Variants in MS4A10 observed in about 807,000 individuals in gnomAD.
The protein encoded by MS4A10 is membrane-spanning 4-domains subfamily A member 10.
In MS4A10, 27 loss-of-function variants were observed where a neutral mutation model predicts 27.7. The ratio of observed to expected loss-of-function variants is 0.98; its 90% CI spans 0.72 to 1.35. The LOEUF is 1.35. Among genes scored for constraint, MS4A10 ranks in the 40% most tolerant of loss-of-function variants. The pLI, the probability that MS4A10 is intolerant of heterozygous loss-of-function variation, is 0.00. For synonymous variants in MS4A10, 139 were observed against 131.2 expected (o/e 1.06, Z -0.41); for missense variants, 338 against 324.7 (o/e 1.04, Z -0.32).
Position 60,790,369 on chromosome 11 carries a change from T to C in MS4A10, c.34T>C (p.Cys12Arg). The C allele has an allele frequency of 6.2e-7, 1 of 1,614,040 alleles. No individual in the cohort carries two copies. Among genetic ancestry groups the C allele is most frequent in the Non-Finnish European group, 8.5e-7 (1 of 1,179,964 alleles). The change falls in exon 2 of 8, where the codon TGT (cysteine) becomes CGT (arginine). Residue 12 changes from cysteine to arginine, a missense_variant. Cys to Arg is a radical substitution (Grantham distance 180). Transcript: ENST00000308287. ...AGAAGCCACAGTTATTCCCAGCCGTTGTGCTAGGGGGCTCCCATCATGGCA... is the reference window on the plus strand; with the variant it reads ...AGAAGCCACAGTTATTCCCAGCCGTCGTGCTAGGGGGCTCCCATCATGGCA... ...KAEATVIPSR[C>R]ARGLPSWQVL...
intron 2 of MS4A10, 142 bp from the exon 3 acceptor site, chr11:60,790,832 T>C: frequency 8.0e-7 from 1 of 1,244,880 alleles, no homozygotes; most frequent in Non-Finnish European, 1.1e-6. Flanking sequence ...TGGGGAGTGG[T>C]CCTTCTTAGA....
chr11:60,790,549 T>C (rs745853331), intron 2 of MS4A10, 31 bp downstream of exon 2: 11 of 1,611,442 alleles, frequency 6.8e-6, no homozygotes, highest in Non-Finnish European at 9.3e-6. Flanking sequence ...GTCCCAGCAG[T>C]GGGAGGCAGA....
rs370334312 is a variant in MS4A10 at position 60,793,007 on chromosome 11, C to T, written c.360+686C>T. On this transcript the variant is annotated intron_variant, in intron 4 of 7. Transcript: ENST00000308287. ...GGCCCAAGTAGGCACAGAGTAGACA[C>T]CTAGCACAAGACTGGATGGGTGGAG... Among the ~76,000 whole-genome samples the T allele has an allele frequency of 3.8e-4, 58 of 152,320 alleles. No individual in the cohort carries two copies. In the South Asian group the frequency reaches 0.011, roughly 28 times the overall value.
In MS4A10 at chr11:60,793,991, C is replaced by A; in HGVS notation, c.380C>A (p.Thr127Lys). ...KTYLKMLCLM[T>K]NLISLFCVLS... ...CTATAGAAGATGTTGTGCCTGATGA[C>A]AAACCTCATCAGCCTCTTTTGCGTG... The change falls in exon 5 of 8, where the codon ACA becomes AAA. Residue 127 changes from threonine (T) to lysine (K), a missense_variant. By Grantham distance (78) the Thr-to-Lys change is moderately conservative (BLOSUM62 -1). Coordinates refer to ENST00000308287, the MANE Select transcript of MS4A10 (RefSeq NM_206893.4). 1 of 1,614,094 alleles carries A rather than the reference C, an allele frequency of 6.2e-7. No individual in the cohort carries two copies. Among genetic ancestry groups the A allele is most frequent in the Non-Finnish European group, 8.5e-7 (1 of 1,180,012 alleles).
In MS4A10 at chr11:60,790,351, A is replaced by G; in HGVS notation, c.16A>G (p.Thr6Ala). ...TCCAGCATCAATGAAAGCAGAAGCC[A>G]CAGTTATTCCCAGCCGTTGTGCTAG... MKAEA[T>A]VIPSRCARGL... The change falls in exon 2 of 8, where the codon ACA becomes GCA. Residue 6 changes from threonine to alanine, a missense_variant. Coordinates refer to ENST00000308287, the MANE Select transcript of MS4A10 (RefSeq NM_206893.4). 1.2e-6 allele frequency: 2 copies of G among 1,614,038 alleles called. No homozygotes were observed. The highest frequency in any genetic ancestry group is 8.5e-7 in the Non-Finnish European group (1 of 1,179,974).
In MS4A10 at chr11:60,795,447, G is replaced by T. The variant is rs1854511104; in HGVS notation, c.493-108G>T. On this transcript the variant is annotated intron_variant, in intron 5 of 7. Transcript: ENST00000308287. ...ACACCTGGGAGCTGAAACCCCACCT[G>T]CCCTCTGCTGTGGATCTTAGCAAGG... The T allele has an allele frequency of 1.4e-5, 8 of 585,610 alleles. No individual in the cohort carries two copies. The South Asian group carries it at 2.6e-4, about 19-fold the overall frequency. 36.3% of individuals were successfully genotyped at this position (585,610 alleles called of 1,614,324 possible). A position where few individuals can be genotyped will look rare whatever the true frequency, so the allele number is the denominator to read the frequency against.
chr11:60,791,813 G>A (rs1481071570), intron 3 of MS4A10, among the ~76,000 whole-genome samples: 1 of 152,248 alleles, frequency 6.6e-6, no homozygotes, highest in East Asian at 1.9e-4. Context: ...CATAGTAGGT[G>A]CTCAGTGCAC....
intron 1 of MS4A10, among the ~76,000 whole-genome samples, chr11:60,787,791 G>A (rs575118858): frequency 6.6e-6 from 1 of 152,236 alleles, no homozygotes; most frequent in South Asian, 2.1e-4. Flanking sequence ...GCCAAGGTAG[G>A]CGGATCACCT....
At chr11:60,787,973 C>T (rs1036404549) in intron 1 of MS4A10, among the ~76,000 whole-genome samples, 15 of 151,990 alleles carry the variant, frequency 9.9e-5, no homozygotes, top group African/African-American at 2.2e-4. Flanking sequence ...GCCAAGATTA[C>T]GCCACTACAC....
At chr11:60,798,604 A>T in intron 7 of MS4A10, 90 bp downstream of exon 7, 1 of 1,007,470 alleles carries the variant, frequency 9.9e-7, no homozygotes, top group Admixed American at 1.9e-5. Flanking sequence ...TTCCCAGGGG[A>T]GCTGTAAGGG....
At chr11:60,796,115 G>A (rs1346284077) in intron 6 of MS4A10, among the ~76,000 whole-genome samples, 4 of 152,104 alleles carry the variant, frequency 2.6e-5, no homozygotes, top group Non-Finnish European at 5.9e-5. Flanking sequence ...TGGCTGTAGT[G>A]GAAACAAGTG....
At chr11:60,791,522 G>A (rs1490264556) in intron 3 of MS4A10, among the ~76,000 whole-genome samples, 1 of 152,170 alleles carries the variant, frequency 6.6e-6, no homozygotes, top group Non-Finnish European at 1.5e-5. Context: ...AAGGCCATCA[G>A]CCAGGATGGG....
chr11:60,797,495 G>C (rs1388931162), intron 6 of MS4A10, among the ~76,000 whole-genome samples: 1 of 152,162 alleles, frequency 6.6e-6, no homozygotes, highest in African/African-American at 2.4e-5. Flanking sequence ...CCAGCTTCTA[G>C]AGGCTGCCTG....
At chr11:60,786,742 C>A (rs1320023143) in intron 1 of MS4A10, among the ~76,000 whole-genome samples, 8 of 152,170 alleles carry the variant, frequency 5.3e-5, no homozygotes, top group Non-Finnish European at 8.8e-5. Flanking sequence ...TGGTGGGATT[C>A]TAGACACGCA....
At chr11:60,792,647 C>T (rs1854450878) in intron 4 of MS4A10, among the ~76,000 whole-genome samples, 1 of 152,218 alleles carries the variant, frequency 6.6e-6, no homozygotes, top group Non-Finnish European at 1.5e-5. Context: ...GTGTCTTAAT[C>T]TTAATCACCA....
intron 6 of MS4A10, among the ~76,000 whole-genome samples, chr11:60,796,938 G>A (rs934627421): frequency 9.2e-5 from 14 of 152,024 alleles, no homozygotes; most frequent in Non-Finnish European, 1.5e-4. Context: ...CTCAACTTTA[G>A]AACATTATTT....
Position 60,794,097 on chromosome 11 carries a change from C to T in MS4A10, c.486C>T (p.Asn162=), listed in dbSNP as rs776694937. 9.3e-6 allele frequency: 15 copies of T among 1,614,024 alleles called. No individual in the cohort carries two copies. The highest frequency in any genetic ancestry group is 1.1e-5 in the Non-Finnish European group (13 of 1,180,042). The change falls in exon 5 of 8, where the codon AAC becomes AAT. Residue 162 remains asparagine (N), a synonymous_variant. Coordinates refer to ENST00000308287, the MANE Select transcript of MS4A10 (RefSeq NM_206893.4). ...FESPIWRMYP[N]STVHIQRLEL... is the part of the protein sequence containing the mutation. ...CCCCGATCTGGAGAATGTACCCCAACTCCACGGTGAGTACCCAGGCCTGGA... is the reference window on the plus strand; with the variant it reads ...CCCCGATCTGGAGAATGTACCCCAATTCCACGGTGAGTACCCAGGCCTGGA...
At chr11:60,794,933 C>T (rs947295420) in intron 5 of MS4A10, among the ~76,000 whole-genome samples, 13 of 152,338 alleles carry the variant, frequency 8.5e-5, no homozygotes, top group African/African-American at 2.9e-4. Flanking sequence ...GATCCTCCCG[C>T]CTCAGCCTCC....
intron 6 of MS4A10, 97 bp from the exon 7 acceptor site, chr11:60,798,299 C>A (rs1854565354): frequency 5.4e-6 from 5 of 928,762 alleles, no homozygotes; most frequent in African/African-American, 1.6e-5. Flanking sequence ...TCATGGAGAA[C>A]TTGAGTCTTC....
Sources: gnomAD v4.1 joint callset for allele counts (sites outside exome capture counted in the v4.1 genomes callset) on GRCh38, gnomAD v4.1.1 for gene constraint, MANE v1.5 for transcripts, NCBI Gene and HGNC (gene_info 2026-07-23, HGNC 2026-07-21) for gene names.